Variants in KCNIP4 observed in about 807,000 individuals in gnomAD.
The protein encoded by KCNIP4 is Kv channel-interacting protein 4.
A neutral mutation model predicts 34.0 loss-of-function variants in KCNIP4; 12 were observed. The ratio of observed to expected loss-of-function variants is 0.35; its 90% CI spans 0.23 to 0.57. The LOEUF is 0.57. Ranked by LOEUF, KCNIP4 falls within the 20% of genes least tolerant of loss-of-function variation. The pLI, the probability that KCNIP4 is intolerant of heterozygous loss-of-function variation, is 0.83. For synonymous variants in KCNIP4, 124 were observed against 102.2 expected, an observed-to-expected ratio of 1.21 and a Z score of -1.29; for missense variants, 238 against 311.7, an observed-to-expected ratio of 0.76 and a Z score of 1.78.
At chr4:20,916,792 TA>T (rs1428601000) in intron 1 of KCNIP4, among the ~76,000 whole-genome samples, 1 of 151,644 alleles carries the variant, frequency 6.6e-6, no homozygotes, top group Non-Finnish European at 1.5e-5. Flanking sequence ...GCCAAACCCA[TA>T]ATGGAGGAAC....
chr4:21,504,288 T>A (rs1733607607), intron 1 of KCNIP4, among the ~76,000 whole-genome samples: 1 of 151,162 alleles, frequency 6.6e-6, no homozygotes, highest in African/African-American at 2.4e-5. Context: ...GCCAACATGG[T>A]GAAACCCCGT....
chr4:20,877,273 A>G (rs906471035), intron 2 of KCNIP4, among the ~76,000 whole-genome samples: 2 of 152,170 alleles, frequency 1.3e-5, no homozygotes, highest in African/African-American at 4.8e-5. Flanking sequence ...GTAACCATCA[A>G]CCTAGAAATC....
At chr4:21,254,010 C>G (rs1760894562) in intron 1 of KCNIP4, among the ~76,000 whole-genome samples, 1 of 152,092 alleles carries the variant, frequency 6.6e-6, no homozygotes, top group Admixed American at 6.5e-5. Flanking sequence ...TGTGTAGACA[C>G]AGAATTCAGA....
At chr4:20,860,753 T>C (rs1340615799) in intron 2 of KCNIP4, among the ~76,000 whole-genome samples, 3 of 152,142 alleles carry the variant, frequency 2.0e-5, no homozygotes, top group Non-Finnish European at 4.4e-5. Context: ...GGTCCAGTGG[T>C]GGATATTGGA....
intron 1 of KCNIP4, among the ~76,000 whole-genome samples, chr4:21,299,683 A>C (rs1468016688): frequency 2.0e-5 from 3 of 152,172 alleles, no homozygotes; most frequent in Non-Finnish European, 4.4e-5. Context: ...GATGGAAATC[A>C]GCCCCTCCTA....
chr4:21,780,923 A>C (rs1049398112), intron 1 of KCNIP4, among the ~76,000 whole-genome samples: 6 of 151,448 alleles, frequency 4.0e-5, no homozygotes, highest in Non-Finnish European at 5.9e-5. Flanking sequence ...TGGCATCATC[A>C]CTCCAATTTT....
At chr4:21,131,010 C>CA (rs1383395676) in intron 1 of KCNIP4, among the ~76,000 whole-genome samples, 1 of 152,066 alleles carries the variant, frequency 6.6e-6, no homozygotes, top group Non-Finnish European at 1.5e-5. Context: ...TTATAACCCC[C>CA]AAAAGGCCAT....
At chr4:21,228,080 G>A (rs910601959) in intron 1 of KCNIP4, among the ~76,000 whole-genome samples, 1 of 152,102 alleles carries the variant, frequency 6.6e-6, no homozygotes, top group Non-Finnish European at 1.5e-5. Context: ...TTTTGTTGTT[G>A]TGAATGAGTA....
intron 1 of KCNIP4, among the ~76,000 whole-genome samples, chr4:21,797,390 C>T (rs557474639): frequency 6.6e-6 from 1 of 152,244 alleles, no homozygotes; most frequent in South Asian, 2.1e-4. Flanking sequence ...AGTTATCCTC[C>T]TGCCTCAGCC....
intron 1 of KCNIP4, among the ~76,000 whole-genome samples, chr4:21,458,643 A>T (rs1462357050): frequency 6.6e-6 from 1 of 151,946 alleles, no homozygotes; most frequent in African/African-American, 2.4e-5. Context: ...TAACTTCCTG[A>T]TCGCTAACCT....
In KCNIP4 at chr4:20,731,988, T is replaced by TA; in HGVS notation, c.705+17dup. On this transcript the variant is annotated intron_variant, in intron 8 of 8. Transcript: ENST00000382152. ...TTATGATAGCTGAATTGATAGTTAT[T>TA]ACACTTTCATTACTTACTTTTTGGC... is the stretch of plus-strand genomic sequence containing the variant. The TA allele has an allele frequency of 6.2e-7, 1 of 1,612,820 alleles. No homozygotes were observed. Among genetic ancestry groups the TA allele is most frequent in the Non-Finnish European group, 8.5e-7 (1 of 1,179,518 alleles).
intron 1 of KCNIP4, among the ~76,000 whole-genome samples, chr4:21,581,686 C>T (rs148076775): frequency 6.6e-5 from 10 of 152,076 alleles, no homozygotes; most frequent in Middle Eastern, 3.4e-3. Flanking sequence ...TTGTTCAGTA[C>T]ATTTTGACTA....
intron 3 of KCNIP4, among the ~76,000 whole-genome samples, chr4:20,807,758 A>G (rs1715265163): frequency 6.6e-6 from 1 of 152,160 alleles, no homozygotes; most frequent in Admixed American, 6.5e-5. Flanking sequence ...ACTCATCCCC[A>G]ATATTTGTGA....
At chr4:21,326,428 T>C (rs1273530805) in intron 1 of KCNIP4, among the ~76,000 whole-genome samples, 1 of 151,136 alleles carries the variant, frequency 6.6e-6, no homozygotes. Flanking sequence ...TCCTGCTGTT[T>C]TTTGGTTTCC....
chr4:21,852,454 T>C (rs937093089), intron 1 of KCNIP4: 5 of 152,214 alleles, frequency 3.3e-5, no homozygotes, highest in African/African-American at 1.2e-4. Context: ...CTCATTCACG[T>C]TTAATTTAAT....
chr4:21,894,923 A>G (rs1042387902), intron 1 of KCNIP4, among the ~76,000 whole-genome samples: 8 of 152,300 alleles, frequency 5.3e-5, no homozygotes, highest in South Asian at 2.1e-4. Flanking sequence ...AAGATCGACT[A>G]TCATTCCTGT....
intron 5 of KCNIP4, among the ~76,000 whole-genome samples, chr4:20,748,387 C>T (rs969454708): frequency 4.0e-5 from 6 of 151,852 alleles, no homozygotes; most frequent in South Asian, 2.1e-4. Flanking sequence ...TTTAGACAGT[C>T]CATCAGTTGC....
At chr4:21,234,794 C>T (rs1291042456) in intron 1 of KCNIP4, among the ~76,000 whole-genome samples, 1 of 151,506 alleles carries the variant, frequency 6.6e-6, no homozygotes, top group Admixed American at 6.6e-5. Flanking sequence ...ATTACAGGTG[C>T]CCGCTACCAT....
chr4:21,829,927 A>G (rs1479472358), intron 1 of KCNIP4, among the ~76,000 whole-genome samples: 1 of 152,176 alleles, frequency 6.6e-6, no homozygotes, highest in Non-Finnish European at 1.5e-5. Flanking sequence ...AAGAGGAAGA[A>G]AGGAACAAAA....
Sources: allele counts gnomAD v4.1 joint callset (sites outside exome capture counted in the v4.1 genomes callset), GRCh38; gene constraint gnomAD v4.1.1; transcripts MANE v1.5; gene names NCBI Gene and HGNC (gene_info 2026-07-23, HGNC 2026-07-21).